Variants in CFAP61 observed in about 807,000 individuals in gnomAD.
The protein encoded by CFAP61 is cilia and flagella associated protein 61, also known as cilia- and flagella-associated protein 61.
CFAP61 carries 107 observed loss-of-function variants against 135.6 expected under a neutral mutation model. The ratio of observed to expected loss-of-function variants is 0.79; its 90% CI spans 0.67 to 0.93. The LOEUF is 0.93. Among genes scored for constraint, CFAP61 ranks in the 40% least tolerant of loss-of-function variants. The pLI is 0.00. For missense variants in CFAP61, 1,507 were observed against 1,556.2 expected (o/e 0.97, Z 0.53); for synonymous variants, 575 against 578.5 (o/e 0.99, Z 0.09).
intron 25 of CFAP61, among the ~76,000 whole-genome samples, chr20:20,333,825 A>C (rs1292455501): frequency 6.6e-6 from 1 of 152,220 alleles, no homozygotes; most frequent in Non-Finnish European, 1.5e-5. Flanking sequence ...AGAAGGTCAG[A>C]TTCCATGTTC....
At chr20:20,296,808 A>G (rs1323729706) in intron 24 of CFAP61, among the ~76,000 whole-genome samples, 1 of 152,106 alleles carries the variant, frequency 6.6e-6, no homozygotes, top group African/African-American at 2.4e-5. Context: ...CTGTGAATAT[A>G]TCTCCCTGTT....
At chr20:20,118,883 A>G (rs1161198559) in intron 8 of CFAP61, among the ~76,000 whole-genome samples, 2 of 151,710 alleles carry the variant, frequency 1.3e-5, no homozygotes, top group Admixed American at 6.6e-5. Context: ...GAATTTTGCA[A>G]TGTTTCCCAG....
At chr20:20,186,803 T>G (rs777020099) in intron 13 of CFAP61, among the ~76,000 whole-genome samples, 10 of 152,216 alleles carry the variant, frequency 6.6e-5, no homozygotes, top group Non-Finnish European at 1.5e-4. Flanking sequence ...TTAAATAGAT[T>G]AGGATATTTT....
intron 20 of CFAP61, chr20:20,253,286 T>C (rs1034651140): frequency 6.6e-6 from 1 of 152,436 alleles, no homozygotes; most frequent in Non-Finnish European, 1.5e-5. Flanking sequence ...TTTAATTCCA[T>C]TTATTGTTGG....
chr20:20,169,563 T>C (rs987073856), intron 13 of CFAP61, 103 bp downstream of exon 13: 1 of 1,031,772 alleles, frequency 9.7e-7, no homozygotes, highest in African/African-American at 1.6e-5. Flanking sequence ...ATTTTAAATA[T>C]CATCTTTTAT....
intron 8 of CFAP61, among the ~76,000 whole-genome samples, chr20:20,123,027 T>C (rs1434057739): frequency 6.6e-6 from 1 of 151,884 alleles, no homozygotes; most frequent in African/African-American, 2.4e-5. Context: ...ATTAGTGATG[T>C]TGAGCATTTT....
At chr20:20,186,773 A>G (rs1224315539) in intron 13 of CFAP61, among the ~76,000 whole-genome samples, 1 of 152,218 alleles carries the variant, frequency 6.6e-6, no homozygotes, top group Non-Finnish European at 1.5e-5. Context: ...TTAAGCACAG[A>G]TGTTCCCTAC....
chr20:20,209,396 A>G (rs935077476), intron 17 of CFAP61, among the ~76,000 whole-genome samples: 8 of 152,244 alleles, frequency 5.3e-5, no homozygotes, highest in Non-Finnish European at 1.2e-4. Flanking sequence ...TTAATCAAAA[A>G]GCATAAAGTT....
chr20:20,166,365 G>A (rs747209847), intron 11 of CFAP61, 32 bp from the exon 12 acceptor site: 156 of 1,601,610 alleles, frequency 9.7e-5, no homozygotes, highest in Non-Finnish European at 1.3e-4. Flanking sequence ...TTGCTTGCAG[G>A]GCACTGACAG....
chr20:20,218,691 A>G (rs2048198928), intron 17 of CFAP61, among the ~76,000 whole-genome samples: 4 of 152,232 alleles, frequency 2.6e-5, no homozygotes, highest in Admixed American at 2.6e-4. Context: ...CAACCTAATG[A>G]GAATTCCTTA....
chr20:20,220,432 G>A (rs1446678514), intron 17 of CFAP61, among the ~76,000 whole-genome samples: 2 of 152,032 alleles, frequency 1.3e-5, no homozygotes, highest in African/African-American at 2.4e-5. Flanking sequence ...GCAAATTATC[G>A]AACCTAAGCA....
intron 25 of CFAP61, among the ~76,000 whole-genome samples, chr20:20,327,613 C>T (rs890591936): frequency 4.6e-5 from 7 of 151,750 alleles, no homozygotes; most frequent in African/African-American, 1.7e-4. Flanking sequence ...CTGCCATTAC[C>T]TTCAGCTTTA....
At chr20:20,179,909 A>T (rs913488021) in intron 13 of CFAP61, among the ~76,000 whole-genome samples, 1 of 152,198 alleles carries the variant, frequency 6.6e-6, no homozygotes, top group Admixed American at 6.5e-5. Context: ...AAAACACAAA[A>T]CTATAAAAAC....
At chr20:20,104,479 C>T (rs2048241324) in intron 8 of CFAP61, among the ~76,000 whole-genome samples, 1 of 152,148 alleles carries the variant, frequency 6.6e-6, no homozygotes, top group Admixed American at 6.5e-5. Flanking sequence ...CGCCTCTCTT[C>T]CTAAGGTTCC....
chr20:20,334,431 T>C (rs1184351146), intron 25 of CFAP61, among the ~76,000 whole-genome samples: 1 of 152,220 alleles, frequency 6.6e-6, no homozygotes, highest in Non-Finnish European at 1.5e-5. Flanking sequence ...GTGGCCATAG[T>C]GTTAGCCTCT....
chr20:20,071,776 T>G (rs1398011967), intron 3 of CFAP61, among the ~76,000 whole-genome samples: 2 of 152,180 alleles, frequency 1.3e-5, no homozygotes, highest in Non-Finnish European at 2.9e-5. Flanking sequence ...GTAAGCATAT[T>G]ATTCAGCATT....
intron 17 of CFAP61, chr20:20,200,717 A>G (rs1480162246): frequency 1.0e-6 from 1 of 985,220 alleles, no homozygotes; most frequent in Non-Finnish European, 1.2e-6. Context: ...TAAACTCTCC[A>G]AACACTTACC....
rs566538259 is a variant in CFAP61, at chr20:20,228,493, C to T, written c.2060+117C>T. 2.5e-5 allele frequency: 20 copies of T among 805,278 alleles called. No individual in the cohort carries two copies. The East Asian group carries it at 5.0e-4, about 20-fold the overall frequency. The allele number at this position is 805,278 out of a possible 1,614,324, so 49.9% of individuals were successfully genotyped here. A position where few individuals can be genotyped will look rare whatever the true frequency, so the allele number is the denominator to read the frequency against. ...GAGATTGTTTGGTACTCCACACACC[C>T]TGCCTATGTGGATGGATGAATCAGT... is the stretch of plus-strand genomic sequence containing the variant. On this transcript the variant is annotated intron_variant, in intron 18 of 26. Coordinates refer to ENST00000245957, the MANE Select transcript of CFAP61 (RefSeq NM_015585.4).
chr20:20,109,047 C>CTA (rs1394950632), intron 8 of CFAP61, among the ~76,000 whole-genome samples: 1 of 152,150 alleles, frequency 6.6e-6, no homozygotes, highest in African/African-American at 2.4e-5. Flanking sequence ...TTTTTATGAC[C>CTA]TAGCCCATAA....
Sources: allele counts gnomAD v4.1 joint callset (sites outside exome capture counted in the v4.1 genomes callset), GRCh38; gene constraint gnomAD v4.1.1; transcripts MANE v1.5; gene names NCBI Gene and HGNC (gene_info 2026-07-23, HGNC 2026-07-21).